Variants in TTC19 observed in about 807,000 individuals in gnomAD.
TTC19 encodes tetratricopeptide repeat protein 19, mitochondrial.
Under a neutral mutation model 49.5 loss-of-function variants are expected in TTC19, and 38 were observed. That is an observed-to-expected ratio of 0.77 (90% CI 0.59 to 1.01). The LOEUF (loss-of-function observed/expected upper bound fraction) is 1.01, where lower values mean the gene tolerates loss of function less well. TTC19 is among the 50% of genes least tolerant of loss of function. TTC19 has a pLI of 0.00. For synonymous variants in TTC19, 204 were observed against 185.2 expected (o/e 1.10, Z -0.83); for missense variants, 475 against 477.7 (o/e 0.99, Z 0.05).
At chr17:16,032,319 T>C, downstream of TTC19, 1 of 1,613,860 alleles carries the variant, frequency 6.2e-7, no homozygotes, top group Non-Finnish European at 8.5e-7. Context: ...TCCGACAGGG[T>C]CTCGTACTGT....
chr17:16,006,565 T>C lies in TTC19; in HGVS notation c.673T>C (p.Ser225Pro). 6.2e-7 allele frequency: 1 copy of C among 1,600,462 alleles called. No individual in the cohort carries two copies. The highest frequency in any genetic ancestry group is 8.6e-7 in the Non-Finnish European group (1 of 1,167,516). ...AAAGGAATTAGCAGAAGACATTATG[T>C]CAGGTAGGAAACCCATTATCTGGGC... ...REKELAEDIM[S>P]VEEKANTHLL... Residue 225 changes from serine to proline, a missense_variant, in exon 7 of 10, where the codon TCA becomes CCA. Physicochemically the swap from Ser to Pro is moderately conservative, Grantham distance 74. Transcript: ENST00000261647.
rs116722822 is a variant in TTC19 at position 16,028,716 on chromosome 17, T to A, written c.*1194T>A. The A allele has an allele frequency of 1.4e-3, 606 of 448,730 alleles. 4 individuals are homozygous for A. Among genetic ancestry groups the A allele is most frequent in the African/African-American group, 0.012 (560 of 48,010 alleles). The allele number at this position is 448,730 out of a possible 1,614,324, so 27.8% of individuals were successfully genotyped here. A position where few individuals can be genotyped will look rare whatever the true frequency, so the allele number is the denominator to read the frequency against. On this transcript the variant is annotated 3_prime_UTR_variant, in exon 10 of 10. Transcript: ENST00000261647. ...GGGGGTGGGATGTGAGTGGGACTGA[T>A]AAACTGATACTTTTGGTTCGTATGT...
chr17:16,032,090 T>A, downstream of TTC19: 1 of 533,546 alleles, frequency 1.9e-6, no homozygotes. Context: ...GAATTGCCTG[T>A]ATCAAAGGCA....
chr17:16,007,083 AGAT>A lies in TTC19; in HGVS notation c.676+516_676+518del, dbSNP rs200733858. Among the ~76,000 whole-genome samples the A allele has an allele frequency of 9.2e-5, 14 of 152,306 alleles. No individual in the cohort carries two copies. In the East Asian group the frequency reaches 2.7e-3, roughly 29 times the overall value. ...TTGGGTTGAAGTATTGAGAATTTTC[AGAT>A]TTGACATTTATTCAATACCTACTCT... On this transcript the variant is annotated intron_variant, in intron 7 of 9. Coordinates refer to ENST00000261647, the MANE Select transcript of TTC19 (RefSeq NM_017775.4).
In TTC19 at chr17:16,002,797, C is replaced by T. The variant is rs761032812; in HGVS notation, c.428C>T (p.Ala143Val). 6.2e-7 allele frequency: 1 copy of T among 1,613,854 alleles called. No individual in the cohort carries two copies. Among genetic ancestry groups the T allele is most frequent in the South Asian group, 1.1e-5 (1 of 91,068 alleles). The change falls in exon 4 of 10, where the codon GCC (alanine) becomes GTC (valine). Residue 143 changes from alanine (A) to valine (V), a missense_variant. Transcript: ENST00000261647. ...CAATTTGTAATTTGCTTTCAGATGG[C>T]CAACTTAGCATTTATACGGGGTCAG... ...KAITYTYDLMANLAFIRGQLE... is the reference protein window; with the variant it reads ...KAITYTYDLMVNLAFIRGQLE...
chr17:16,032,897 C>A (rs2151780385), downstream of TTC19, among the ~76,000 whole-genome samples: 1 of 152,322 alleles, frequency 6.6e-6, no homozygotes, highest in African/African-American at 2.4e-5. Context: ...CGTCTGCAGA[C>A]TGAGGGGCAG....
At chr17:16,020,047 T>C (rs1026515496) in intron 7 of TTC19, among the ~76,000 whole-genome samples, 1 of 151,812 alleles carries the variant, frequency 6.6e-6, no homozygotes, top group African/African-American at 2.4e-5. Flanking sequence ...TGCGAATCGC[T>C]TAAACCCAGG....
chr17:16,031,051 G>A (rs1424387790), downstream of TTC19: 1 of 193,788 alleles, frequency 5.2e-6, no homozygotes, highest in East Asian at 8.1e-5. Flanking sequence ...TTAAAATTCA[G>A]CAAGCAATTC....
chr17:16,000,337 C>G (rs780038295), intron 2 of TTC19, 92 bp downstream of exon 2: 3 of 1,549,516 alleles, frequency 1.9e-6, no homozygotes, highest in Non-Finnish European at 2.6e-6. Flanking sequence ...CTCCGCCTCG[C>G]CGAAGAGTGG....
intron 3 of TTC19, chr17:16,002,555 GT>G: frequency 1.8e-6 from 1 of 551,346 alleles, no homozygotes; most frequent in Non-Finnish European, 3.2e-6. Flanking sequence ...TCATTAGCAT[GT>G]TTTTTTAATG....
rs1017860494 is a variant in TTC19 at position 16,027,782 on chromosome 17, G to A, written c.*260G>A. 6 of 546,162 alleles carry A rather than the reference G, an allele frequency of 1.1e-5. No individual in the cohort carries two copies. Among genetic ancestry groups the A allele is most frequent in the African/African-American group, 1.9e-5 (1 of 53,424 alleles). 33.8% of individuals were successfully genotyped at this position (546,162 alleles called of 1,614,324 possible). A position where few individuals can be genotyped will look rare whatever the true frequency, so the allele number is the denominator to read the frequency against. On this transcript the variant is annotated 3_prime_UTR_variant, in exon 10 of 10. Coordinates refer to ENST00000261647, the MANE Select transcript of TTC19 (RefSeq NM_017775.4). ...CAGTTGTAACACGTGACTTGGTGCT[G>A]TCCCTGCTGGTCTAAGTAGAACTGT...
rs558650831 is a variant in TTC19 at position 16,037,959 on chromosome 17, T to C, written c.248-6544T>C. Among the ~76,000 whole-genome samples the C allele has an allele frequency of 2.9e-3, 434 of 152,272 alleles. 4 individuals are homozygous for C. The highest frequency in any genetic ancestry group is 9.6e-3 in the African/African-American group (401 of 41,560). On this transcript the variant is annotated intron_variant, in intron 2 of 2. Coordinates refer to the TTC19 transcript ENST00000470649. ...CCAAATTCCTATACAACCAGTACAA[T>C]TGTAATTGACTAAGTCACCAGTCTT...
At chr17:16,032,995 C>T (rs1223211760), downstream of TTC19, among the ~76,000 whole-genome samples, 1 of 152,082 alleles carries the variant, frequency 6.6e-6, no homozygotes, top group African/African-American at 2.4e-5. Context: ...ACACTGCTAC[C>T]CTTCATCAGT....
chr17:16,012,446 T>A (rs1971102248), intron 7 of TTC19, among the ~76,000 whole-genome samples: 1 of 151,998 alleles, frequency 6.6e-6, no homozygotes, highest in Non-Finnish European at 1.5e-5. Flanking sequence ...CCACCTGTGG[T>A]CCAGCCTGGG....
At position 16,028,794 on chromosome 17, in the gene TTC19, T is replaced by A. The variant is rs1260233129; in HGVS notation, c.*1272T>A. On this transcript the variant is annotated 3_prime_UTR_variant, in exon 10 of 10. Transcript: ENST00000261647. ...TGAGACTACACAACAATATTGTATGTATCCCAGTAATCTTTGCATTTCTCA... is the reference window on the plus strand; with the variant it reads ...TGAGACTACACAACAATATTGTATGAATCCCAGTAATCTTTGCATTTCTCA... 2.3e-5 allele frequency: 9 copies of A among 392,590 alleles called. No individual in the cohort carries two copies. The highest frequency in any genetic ancestry group is 3.8e-5 in the Non-Finnish European group (8 of 209,572). The allele number at this position is 392,590 out of a possible 1,614,324, so 24.3% of individuals were successfully genotyped here. A position where few individuals can be genotyped will look rare whatever the true frequency, so the allele number is the denominator to read the frequency against.
exon 3 of TTC19, chr17:16,044,577 C>G (rs541422103): frequency 1.9e-4 from 102 of 529,448 alleles, no homozygotes; most frequent in Non-Finnish European, 3.6e-4. Flanking sequence ...CATCCGGCAA[C>G]TACCACCACG....
At chr17:16,008,353 G>GAC (rs1970971887) in intron 7 of TTC19, among the ~76,000 whole-genome samples, 1 of 152,098 alleles carries the variant, frequency 6.6e-6, no homozygotes, top group Admixed American at 6.5e-5. Context: ...CCCCAGATTT[G>GAC]TAAATGGCAC....
At chr17:16,020,178 A>G (rs1971329427) in intron 7 of TTC19, among the ~76,000 whole-genome samples, 1 of 152,198 alleles carries the variant, frequency 6.6e-6, no homozygotes, top group African/African-American at 2.4e-5. Context: ...CTAGCAGTAT[A>G]TTAGTGTTCA....
chr17:16,044,363 A>G, intron 2 of TTC19: 1 of 470,332 alleles, frequency 2.1e-6, no homozygotes, highest in Middle Eastern at 3.3e-4. Flanking sequence ...ACATTTATTA[A>G]TCACAAGAGT....
Sources: gnomAD v4.1 joint callset for allele counts (sites outside exome capture counted in the v4.1 genomes callset) on GRCh38, gnomAD v4.1.1 for gene constraint, MANE v1.5 for transcripts, NCBI Gene and HGNC (gene_info 2026-07-23, HGNC 2026-07-21) for gene names.